Variants in LY86 observed in about 807,000 individuals in gnomAD.
LY86 encodes the protein lymphocyte antigen 86, also known as MD-1, RP105-associated.
Under a neutral mutation model 17.3 loss-of-function variants are expected in LY86, and 20 were observed. The ratio of observed to expected loss-of-function variants is 1.15; its 90% confidence interval spans 0.81 to 1.68. The LOEUF is 1.68. Among genes scored for constraint, LY86 ranks in the 40% most tolerant of loss-of-function variants. The pLI, the probability that LY86 is intolerant of heterozygous loss-of-function variation, is 0.00. For synonymous variants in LY86, 74 were observed against 70.6 expected (o/e 1.05, Z -0.24); for missense variants, 200 against 191.9 (o/e 1.04, Z -0.25).
At chr6:6,617,375 C>A (rs1761579349) in intron 1 of LY86, among the ~76,000 whole-genome samples, 2 of 152,084 alleles carry the variant, frequency 1.3e-5, no homozygotes, top group African/African-American at 4.8e-5. Context: ...GAGGGGCAGG[C>A]AAGGTAGTAT....
intron 3 of LY86, among the ~76,000 whole-genome samples, chr6:6,631,327 G>C (rs528782722): frequency 8.5e-5 from 13 of 152,182 alleles, no homozygotes; most frequent in African/African-American, 3.1e-4. Flanking sequence ...AAGCCAGCGG[G>C]GGGTGGAACT....
chr6:6,624,118 C>A (rs1385265937), intron 1 of LY86, among the ~76,000 whole-genome samples: 3 of 152,096 alleles, frequency 2.0e-5, no homozygotes, highest in Non-Finnish European at 4.4e-5. Flanking sequence ...ACAAGCAAAT[C>A]AAACATGGTG....
intron 1 of LY86, among the ~76,000 whole-genome samples, chr6:6,614,453 T>G (rs1384908717): frequency 6.6e-6 from 1 of 151,186 alleles, no homozygotes; most frequent in Non-Finnish European, 1.5e-5. Context: ...AGCACAGAGC[T>G]CCCGCGAGCC....
chr6:6,596,855 T>A (rs1004107737), intron 1 of LY86, among the ~76,000 whole-genome samples: 1 of 152,158 alleles, frequency 6.6e-6, no homozygotes, highest in Admixed American at 6.5e-5. Flanking sequence ...AAGTACTTTT[T>A]AAACGAGATG....
At chr6:6,589,236 C>G (rs1436458535) in intron 1 of LY86, among the ~76,000 whole-genome samples, 1 of 152,168 alleles carries the variant, frequency 6.6e-6, no homozygotes, top group Admixed American at 6.5e-5. Context: ...TAGGCCCTTC[C>G]TCAACACCGT....
chr6:6,596,906 G>A (rs959609891), intron 1 of LY86, among the ~76,000 whole-genome samples: 2 of 152,208 alleles, frequency 1.3e-5, no homozygotes, highest in Admixed American at 6.5e-5. Context: ...AGGGAAAAAA[G>A]CCAAGAGTCT....
chr6:6,626,475 G>C, intron 3 of LY86, 54 bp downstream of exon 3: 1 of 1,601,870 alleles, frequency 6.2e-7, no homozygotes, highest in Admixed American at 1.7e-5. Flanking sequence ...AGATAAACTC[G>C]AACTTGCATC....
chr6:6,653,809 C>T (rs1354921688), intron 4 of LY86, among the ~76,000 whole-genome samples: 1 of 152,218 alleles, frequency 6.6e-6, no homozygotes, highest in Non-Finnish European at 1.5e-5. Context: ...GTTTCCTCAG[C>T]GGATCCTATT....
At chr6:6,616,845 G>T (rs1761566151) in intron 1 of LY86, among the ~76,000 whole-genome samples, 1 of 152,166 alleles carries the variant, frequency 6.6e-6, no homozygotes, top group African/African-American at 2.4e-5. Context: ...TGTGCATCTG[G>T]CCCTGTTTCT....
At chr6:6,623,837 C>CA (rs1761729878) in intron 1 of LY86, among the ~76,000 whole-genome samples, 1 of 152,156 alleles carries the variant, frequency 6.6e-6, no homozygotes, top group Admixed American at 6.5e-5. Flanking sequence ...GAAAGCAAAA[C>CA]AAACAAAACA....
chr6:6,603,619 C>CAAAAAAAAAAA (rs758614233), intron 1 of LY86, among the ~76,000 whole-genome samples: 4 of 117,664 alleles, frequency 3.4e-5, no homozygotes, highest in African/African-American at 9.2e-5. Flanking sequence ...AAAAAACAAA[C>CAAAAAAAAAAA]AAAAAAAAAC....
At chr6:6,649,488 T>C in intron 3 of LY86, 137 bp from the exon 4 acceptor site, 2 of 475,940 alleles carry the variant, frequency 4.2e-6, no homozygotes, top group Non-Finnish European at 7.3e-6. Flanking sequence ...GATCAGGAAA[T>C]GAAAACATTT....
At chr6:6,642,279 G>C (rs1438974000) in intron 3 of LY86, among the ~76,000 whole-genome samples, 2 of 152,236 alleles carry the variant, frequency 1.3e-5, no homozygotes, top group African/African-American at 4.8e-5. Context: ...TGTATGGGGA[G>C]AACTGGAAGA....
intron 3 of LY86, among the ~76,000 whole-genome samples, chr6:6,632,842 G>A (rs908531325): frequency 6.6e-6 from 1 of 152,148 alleles, no homozygotes; most frequent in South Asian, 2.1e-4. Context: ...AGTGTGATCT[G>A]TCACCCTAGC....
intron 3 of LY86, among the ~76,000 whole-genome samples, chr6:6,640,111 C>T (rs998560771): frequency 1.3e-5 from 2 of 152,194 alleles, no homozygotes; most frequent in Non-Finnish European, 2.9e-5. Flanking sequence ...CCACCACCTG[C>T]ATGCCCTCTA....
chr6:6,650,533 C>G (rs979147926), intron 4 of LY86, among the ~76,000 whole-genome samples: 2 of 152,114 alleles, frequency 1.3e-5, no homozygotes, highest in Non-Finnish European at 2.9e-5. Flanking sequence ...CAGGGTTTCA[C>G]CATATTGGCC....
intron 3 of LY86, among the ~76,000 whole-genome samples, chr6:6,645,074 G>C (rs1377856572): frequency 1.3e-5 from 2 of 152,110 alleles, no homozygotes; most frequent in African/African-American, 4.8e-5. Context: ...AACCCCGGGA[G>C]CATTAAATAA....
In LY86 at chr6:6,612,540, A is replaced by T. The variant is rs6936613; in HGVS notation, c.137-12386A>T. ...GCAAAAGAACAAACCAACCACACAA[A>T]AGCAACGAAACAACCAGTTGTCACT... On this transcript the variant is annotated intron_variant, in intron 1 of 4. Coordinates refer to ENST00000230568, the MANE Select transcript of LY86 (RefSeq NM_004271.4). Among the ~76,000 whole-genome samples, 837 of 151,988 alleles carry T rather than the reference A, an allele frequency of 5.5e-3. 8 individuals carry two copies. The highest frequency in any genetic ancestry group is 0.019 in the African/African-American group (788 of 41,422).
At chr6:6,628,219 C>T (rs1761832923) in intron 3 of LY86, among the ~76,000 whole-genome samples, 1 of 151,814 alleles carries the variant, frequency 6.6e-6, no homozygotes, top group African/African-American at 2.4e-5. Context: ...CCCCGAGCTC[C>T]TCAACCACAG....
Sources: allele counts gnomAD v4.1 joint callset (sites outside exome capture counted in the v4.1 genomes callset), GRCh38; gene constraint gnomAD v4.1.1; transcripts MANE v1.5; gene names NCBI Gene and HGNC (gene_info 2026-07-23, HGNC 2026-07-21).